Variants in GSTM4 observed in about 807,000 individuals in gnomAD.
GSTM4 encodes the protein glutathione S-transferase mu 4.
GSTM4 carries 27 observed loss-of-function variants against 30.1 expected under a neutral mutation model. The ratio of observed to expected loss-of-function variants is 0.90; its 90% confidence interval spans 0.66 to 1.24. The LOEUF (loss-of-function observed/expected upper bound fraction) is 1.24. Ranked by LOEUF, GSTM4 falls within the 50% of genes most tolerant of loss-of-function variation. The probability of loss-of-function intolerance (pLI) is 0.00; values close to 1 mark genes in which losing one functional copy is unlikely to be tolerated. For synonymous variants in GSTM4, 94 were observed against 96.2 expected (o/e 0.98, Z 0.13); for missense variants, 238 against 272.1 (o/e 0.87, Z 0.88).
intron 7 of GSTM4, 101 bp from the exon 8 acceptor site, chr1:109,661,064 G>A (rs1652288736): frequency 6.6e-7 from 1 of 1,521,186 alleles, no homozygotes; most frequent in South Asian, 1.2e-5. Context: ...CACGTGGAAA[G>A]GCTGTGGCCA....
intron 7 of GSTM4, chr1:109,660,795 T>G: frequency 3.6e-6 from 1 of 276,086 alleles, no homozygotes. Flanking sequence ...TTAGTAGCTA[T>G]TTGAGTGTGA....
At position 109,656,587 on chromosome 1, in the gene GSTM4, T is replaced by TGTGTGC. The variant is rs567031299; in HGVS notation, c.37-122_37-121insTGCGTG. 729 of 600,870 alleles carry TGTGTGC rather than the reference T, an allele frequency of 1.2e-3. 11 individuals carry two copies. In the African/African-American group the frequency reaches 0.025, roughly 20 times the overall value. 37.2% of individuals were successfully genotyped at this position (600,870 alleles called of 1,614,324 possible). On this transcript the variant is annotated intron_variant, in intron 1 of 7. Coordinates refer to ENST00000369836, the MANE Select transcript of GSTM4 (RefSeq NM_000850.5). ...GTGTGTGTGTGTGTGTGTGTGTGTG[T>TGTGTGC]GTGCGTGCGCCGGGGTGGGGGGGGG...
At position 109,656,296 on chromosome 1, in the gene GSTM4, C is replaced by T. The variant is rs1196175667; in HGVS notation, c.-94C>T. The T allele has an allele frequency of 2.4e-6, 3 of 1,255,916 alleles. No individual in the cohort carries two copies. Among genetic ancestry groups the T allele is most frequent in the Non-Finnish European group, 2.3e-6 (2 of 855,724 alleles). The allele number at this position is 1,255,916 out of a possible 1,614,324, so 77.8% of individuals were successfully genotyped here. A position where few individuals can be genotyped will look rare whatever the true frequency, so the allele number is the denominator to read the frequency against. On this transcript the variant is annotated 5_prime_UTR_variant, in exon 1 of 8. Transcript: ENST00000369836. ...AGCGGGGCCGAGGGGGCGGGTCTGG[C>T]GCTAGGTCCAGCCCCTGCGTGCCGG...
intron 7 of GSTM4, chr1:109,660,398 G>T (rs1652254057): frequency 6.5e-6 from 1 of 153,552 alleles, no homozygotes; most frequent in Non-Finnish European, 1.4e-5. Flanking sequence ...AGGTAGTGGG[G>T]TTGGAGATGA....
In GSTM4 at chr1:109,658,656, G is replaced by A. The variant is rs1652148483; in HGVS notation, c.361-158G>A. On this transcript the variant is annotated intron_variant, in intron 5 of 7. Coordinates refer to ENST00000369836, the MANE Select transcript of GSTM4 (RefSeq NM_000850.5). ...AAAAGCCTCCAGCTACCCATTTGGA[G>A]TGTAATAAATGCTGGTATGTCCAGC... The A allele has an allele frequency of 6.1e-6, 4 of 660,154 alleles. No homozygotes were observed. The East Asian group carries it at 7.8e-5, about 13-fold the overall frequency. The allele number at this position is 660,154 out of a possible 1,614,324, so 40.9% of individuals were successfully genotyped here. A position where few individuals can be genotyped will look rare whatever the true frequency, so the allele number is the denominator to read the frequency against.
intron 7 of GSTM4, chr1:109,660,813 A>G (rs1652276389): frequency 3.4e-6 from 1 of 292,338 alleles, no homozygotes; most frequent in Non-Finnish European, 6.5e-6. Flanking sequence ...TGAGGAAGTT[A>G]CTGAACTTCT....
chr1:109,665,028 G>A (rs766550241), downstream of GSTM4: 22 of 1,588,682 alleles, frequency 1.4e-5, no homozygotes, highest in Non-Finnish European at 1.9e-5. Context: ...GTGGCATAAT[G>A]TGATGGTCAA....
chr1:109,665,074 C>T, downstream of GSTM4: 4 of 1,139,930 alleles, frequency 3.5e-6, no homozygotes, highest in Non-Finnish European at 5.4e-6. Flanking sequence ...AAGGGATGCT[C>T]AGATGGCAGG....
At chr1:109,659,717 G>C in intron 7 of GSTM4, 1 of 401,442 alleles carries the variant, frequency 2.5e-6, no homozygotes, top group South Asian at 1.9e-5. Context: ...CCTGTTGAAG[G>C]AGTGTATGTT....
chr1:109,666,749 G>A (rs561216504), downstream of GSTM4, among the ~76,000 whole-genome samples: 3 of 151,688 alleles, frequency 2.0e-5, no homozygotes, highest in South Asian at 2.1e-4. Flanking sequence ...TTTTTGAGAC[G>A]GAGTCTTACT....
chr1:109,664,182 T>C (rs1299605678), downstream of GSTM4, among the ~76,000 whole-genome samples: 3 of 152,126 alleles, frequency 2.0e-5, no homozygotes, highest in Non-Finnish European at 2.9e-5. Flanking sequence ...TTTTCTCATT[T>C]ATTTATTTTT....
chr1:109,659,330 A>G (rs1215529661), intron 7 of GSTM4: 1 of 1,529,618 alleles, frequency 6.5e-7, no homozygotes, highest in African/African-American at 1.4e-5. Context: ...TAGAGATAAG[A>G]AAACTTTGAA....
intron 7 of GSTM4, 200 bp downstream of exon 7, chr1:109,659,310 C>A: frequency 2.6e-6 from 4 of 1,557,382 alleles, no homozygotes; most frequent in Non-Finnish European, 3.5e-6. Flanking sequence ...ACAGAATTAT[C>A]TTGCCCATTT....
In GSTM4 at chr1:109,656,744, C is replaced by T. The variant is rs1391300850; in HGVS notation, c.69C>T (p.Tyr23=). The T allele has an allele frequency of 6.2e-7, 1 of 1,614,112 alleles. No individual in the cohort carries two copies. The highest frequency in any genetic ancestry group is 8.5e-7 in the Non-Finnish European group (1 of 1,179,982). ...LAHAIRLLLE[Y]TDSSYEEKKY... is the part of the protein sequence containing the mutation. The stretch of plus-strand genomic sequence containing the variant: ...ACGCCATCCGCCTGCTCCTGGAATA[C>T]ACAGACTCAAGCTACGAGGAAAAGA... Residue 23 remains tyrosine (Y), a synonymous_variant, in exon 2 of 8, where the codon TAC becomes TAT. Coordinates refer to ENST00000369836, the MANE Select transcript of GSTM4 (RefSeq NM_000850.5).
downstream of GSTM4, among the ~76,000 whole-genome samples, chr1:109,662,460 A>G (rs1166147995): frequency 6.6e-6 from 1 of 152,244 alleles, no homozygotes; most frequent in Non-Finnish European, 1.5e-5. Flanking sequence ...AAGCTGTGTT[A>G]TCACAAATAG....
downstream of GSTM4, among the ~76,000 whole-genome samples, chr1:109,664,395 T>C (rs554551850): frequency 4.7e-4 from 66 of 139,526 alleles, no homozygotes; most frequent in Non-Finnish European, 6.9e-4. Flanking sequence ...AGTCTTACTC[T>C]GTCACCCAGG....
rs771559620 is a variant in GSTM4, at chr1:109,657,606, A to G, written c.194A>G (p.Asp65Gly). ...TCTATCCAGCTGCCCTACTTGATTG[A>G]TGGGGCTCACAAGATCACCCAGAGC... ...LDFPNLPYLIDGAHKITQSNA... is the reference protein window; with the variant it reads ...LDFPNLPYLIGGAHKITQSNA... Residue 65 changes from aspartate to glycine, a missense_variant, in exon 4 of 8, where the codon GAT becomes GGT. Coordinates refer to ENST00000369836, the MANE Select transcript of GSTM4 (RefSeq NM_000850.5). 11 of 1,614,016 alleles carry G rather than the reference A, an allele frequency of 6.8e-6. No individual in the cohort carries two copies. The highest frequency in any genetic ancestry group is 9.3e-6 in the Non-Finnish European group (11 of 1,180,034).
At chr1:109,658,616 C>G in intron 5 of GSTM4, 198 bp from the exon 6 acceptor site, 4 of 603,360 alleles carry the variant, frequency 6.6e-6, no homozygotes, top group Non-Finnish European at 1.2e-5. Context: ...TTCCTCTCTG[C>G]CTTCCCATCA....
At chr1:109,660,005 T>C (rs750946014) in intron 7 of GSTM4, 35 of 221,980 alleles carry the variant, frequency 1.6e-4, no homozygotes, top group Non-Finnish European at 2.5e-4. Context: ...TGCCCCTCAC[T>C]CATGGGGAAC....
Sources: gnomAD v4.1 joint callset for allele counts (sites outside exome capture counted in the v4.1 genomes callset) on GRCh38, gnomAD v4.1.1 for gene constraint, MANE v1.5 for transcripts, NCBI Gene and HGNC (gene_info 2026-07-23, HGNC 2026-07-21) for gene names.